The following SYT2 variants were observed in gnomAD, a reference collection of about 807,000 sequenced individuals.
The protein encoded by SYT2 is synaptotagmin-2.
In SYT2, 15 loss-of-function variants were observed where a neutral mutation model predicts 39.9. The observed-to-expected ratio is 0.38, with a 90% CI of 0.25 to 0.58. The LOEUF (loss-of-function observed/expected upper bound fraction) is 0.58. Ranked by LOEUF, SYT2 falls within the 20% of genes least tolerant of loss-of-function variation. SYT2 has a pLI of 0.70. For synonymous variants in SYT2, 181 were observed against 204.5 expected (o/e 0.89, Z 0.98); for missense variants, 389 against 530.3 (o/e 0.73, Z 2.62).
chr1:202,693,444 T>G (rs1043233187), intron 1 of SYT2, among the ~76,000 whole-genome samples: 13 of 152,238 alleles, frequency 8.5e-5, no homozygotes, highest in African/African-American at 3.1e-4. Flanking sequence ...CCTACAATAC[T>G]GAGATACAAG....
intron 1 of SYT2, among the ~76,000 whole-genome samples, chr1:202,653,539 C>T (rs1358749913): frequency 2.6e-5 from 4 of 151,688 alleles, no homozygotes; most frequent in East Asian, 1.9e-4. Context: ...CTGCTGACCT[C>T]GTATGGGGGT....
intron 1 of SYT2, among the ~76,000 whole-genome samples, chr1:202,652,986 C>T (rs2149102753): frequency 7.1e-6 from 1 of 140,322 alleles, no homozygotes; most frequent in Middle Eastern, 3.5e-3. Flanking sequence ...TGGATTTCCT[C>T]CTAACCTAGC....
At chr1:202,615,482 G>T (rs1429487355) in intron 1 of SYT2, among the ~76,000 whole-genome samples, 3 of 152,058 alleles carry the variant, frequency 2.0e-5, no homozygotes, top group Non-Finnish European at 4.4e-5. Flanking sequence ...TCCAAATCTG[G>T]CCACTTTCCA....
rs568092166 is a variant in SYT2 at position 202,603,216 on chromosome 1, A to G, written c.346-98T>C. Reference sequence around the variant, plus strand: ...CGGGAAACCAGCCCCTCTGTGGTAGACCCTGACTCAGAGCTGTGTGTGGTG... The same window carrying G: ...CGGGAAACCAGCCCCTCTGTGGTAGGCCCTGACTCAGAGCTGTGTGTGGTG... On this transcript the variant is annotated intron_variant, in intron 3 of 8. Coordinates refer to ENST00000367268, the MANE Select transcript of SYT2 (RefSeq NM_177402.5). The G allele has an allele frequency of 4.2e-4, 619 of 1,487,690 alleles. 6 individuals are homozygous for G. The South Asian group carries it at 5.7e-3, about 14-fold the overall frequency. The allele number at this position is 1,487,690 out of a possible 1,614,324, so 92.2% of individuals were successfully genotyped here.
Position 202,592,385 on chromosome 1 carries a change from G to A in SYT2, c.*4372C>T, listed in dbSNP as rs765968345. 5 of 152,668 alleles carry A rather than the reference G, an allele frequency of 3.3e-5. No individual in the cohort carries two copies. Among genetic ancestry groups the A allele is most frequent in the East Asian group, 1.9e-4 (1 of 5,194 alleles). 9.5% of individuals were successfully genotyped at this position (152,668 alleles called of 1,614,324 possible). ...TGATGACTCCCATGGGGGGTTTCCC[G>A]ATGGGAGGAGGCAGGGGTGGGGCTG... On this transcript the variant is annotated 3_prime_UTR_variant, in exon 9 of 9. Transcript: ENST00000367268.
chr1:202,624,753 G>A (rs1691316977), intron 1 of SYT2, among the ~76,000 whole-genome samples: 1 of 106,486 alleles, frequency 9.4e-6, no homozygotes, highest in Non-Finnish European at 1.8e-5. Context: ...AGTAGGGTGT[G>A]TGGTGTGTGT....
chr1:202,692,594 A>T (rs141303741), intron 1 of SYT2, among the ~76,000 whole-genome samples: 7 of 152,372 alleles, frequency 4.6e-5, no homozygotes, highest in Non-Finnish European at 8.8e-5. Context: ...GCAATCATGG[A>T]CACTCAGGCT....
intron 2 of SYT2, among the ~76,000 whole-genome samples, 160 bp from the exon 3 acceptor site, chr1:202,604,781 G>T (rs1370150096): frequency 6.9e-6 from 1 of 145,310 alleles, no homozygotes; most frequent in African/African-American, 2.5e-5. Flanking sequence ...TGTATGTAAG[G>T]TGCATATACT....
Position 202,596,290 on chromosome 1 carries a change from C to CACACACAT in SYT2, c.*466_*467insATGTGTGT. On this transcript the variant is annotated 3_prime_UTR_variant, in exon 9 of 9. Transcript: ENST00000367268. ...AAAGACACACACACACACACACACA[C>CACACACAT]ACACACACACACACACATACACACA... 1 of 101,040 alleles carries CACACACAT rather than the reference C, an allele frequency of 9.9e-6. No homozygotes were observed. The highest frequency in any genetic ancestry group is 1.9e-5 in the Non-Finnish European group (1 of 53,888). 6.3% of individuals were successfully genotyped at this position (101,040 alleles called of 1,614,324 possible). A position where few individuals can be genotyped will look rare whatever the true frequency, so the allele number is the denominator to read the frequency against.
intron 1 of SYT2, chr1:202,632,075 AAG>A (rs1464929312): frequency 2.0e-6 from 2 of 985,270 alleles, no homozygotes; most frequent in Middle Eastern, 5.2e-4. Context: ...GAGGTGGGGT[AAG>A]AGGGGAGAAA....
chr1:202,608,207 A>G (rs1406295086), intron 1 of SYT2, among the ~76,000 whole-genome samples: 3 of 152,060 alleles, frequency 2.0e-5, no homozygotes, highest in African/African-American at 7.2e-5. Context: ...TTCAAGGTTC[A>G]TCTATGTTGT....
intron 1 of SYT2, among the ~76,000 whole-genome samples, chr1:202,626,302 G>T (rs993129229): frequency 7.2e-5 from 11 of 152,096 alleles, no homozygotes; most frequent in African/African-American, 2.4e-4. Context: ...TGGCAAGAGG[G>T]CTGGGACCTG....
rs994508232 is a variant in SYT2, at chr1:202,646,512, G to A, written c.-17-40723C>T. Among the ~76,000 whole-genome samples, 10 of 152,234 alleles carry A rather than the reference G, an allele frequency of 6.6e-5. 1 individual carries two copies. The South Asian group carries it at 1.2e-3, about 19-fold the overall frequency. ...CCCTGCTCACCGAGCCTACTGGCCCGGAGTAGGCACTCAGTAAACACCTCA... is the reference window on the plus strand; with the variant it reads ...CCCTGCTCACCGAGCCTACTGGCCCAGAGTAGGCACTCAGTAAACACCTCA... On this transcript the variant is annotated intron_variant, in intron 1 of 8. Coordinates refer to ENST00000367268, the MANE Select transcript of SYT2 (RefSeq NM_177402.5).
chr1:202,625,047 C>G (rs200413981), intron 1 of SYT2, among the ~76,000 whole-genome samples: 458 of 7,118 alleles, frequency 0.064, 2 homozygotes, highest in Middle Eastern at 0.5. Context: ...TGTGTGGTGT[C>G]TAGTAGGGTG....
chr1:202,698,214 T>C (rs1654023889), intron 1 of SYT2, among the ~76,000 whole-genome samples: 1 of 152,084 alleles, frequency 6.6e-6, no homozygotes. Flanking sequence ...CCATGCCTGG[T>C]CTAAAATGGG....
intron 1 of SYT2, among the ~76,000 whole-genome samples, chr1:202,641,110 G>A (rs917993738): frequency 1.3e-5 from 2 of 152,158 alleles, no homozygotes; most frequent in Non-Finnish European, 2.9e-5. Context: ...CTTAGTAACT[G>A]AAGCTCTAAG....
At chr1:202,700,464 G>A (rs549706709) in intron 1 of SYT2, among the ~76,000 whole-genome samples, 102 of 152,302 alleles carry the variant, frequency 6.7e-4, no homozygotes, top group Non-Finnish European at 1.3e-3. Flanking sequence ...GACCCTCCAA[G>A]AGCGTTTTCT....
At chr1:202,658,548 G>A (rs1455578414) in intron 1 of SYT2, among the ~76,000 whole-genome samples, 1 of 152,106 alleles carries the variant, frequency 6.6e-6, no homozygotes, top group South Asian at 2.1e-4. Context: ...GCCAGAGGGG[G>A]TAAGAAGACT....
chr1:202,622,571 C>T (rs558565635), intron 1 of SYT2, among the ~76,000 whole-genome samples: 2 of 152,262 alleles, frequency 1.3e-5, no homozygotes, highest in Admixed American at 6.5e-5. Context: ...TCCAGGCCAC[C>T]TGATGGGCGC....
Sources: gnomAD v4.1 joint callset for allele counts (sites outside exome capture counted in the v4.1 genomes callset) on GRCh38, gnomAD v4.1.1 for gene constraint, MANE v1.5 for transcripts, NCBI Gene and HGNC (gene_info 2026-07-23, HGNC 2026-07-21) for gene names.